The following CSMD3 variants were observed in gnomAD, a reference collection of about 807,000 sequenced individuals.
CSMD3 encodes the protein CUB and sushi domain-containing protein 3.
In CSMD3, 177 loss-of-function variants were observed where a neutral mutation model predicts 435.2. That is an observed-to-expected ratio of 0.41 (90% CI 0.36 to 0.46). The LOEUF is 0.46. Ranked by LOEUF, CSMD3 falls within the 20% of genes least tolerant of loss-of-function variation. The pLI is 0.34. For synonymous variants in CSMD3, 1,656 were observed against 1,520.5 expected (o/e 1.09, Z -2.07); for missense variants, 4,265 against 4,504.6 (o/e 0.95, Z 1.52).
intron 13 of CSMD3, among the ~76,000 whole-genome samples, chr8:112,699,016 A>C (rs184856252): frequency 1.2e-3 from 188 of 152,218 alleles, no homozygotes; most frequent in Middle Eastern, 3.4e-3. Context: ...ACTCTATAAA[A>C]TGGACCCATC....
At chr8:113,257,817 C>G (rs1421922751) in intron 3 of CSMD3, among the ~76,000 whole-genome samples, 1 of 152,154 alleles carries the variant, frequency 6.6e-6, no homozygotes, top group Non-Finnish European at 1.5e-5. Flanking sequence ...ACATCAACTT[C>G]AACAAATACA....
At chr8:112,244,901 A>G (rs1202594305) in intron 64 of CSMD3, among the ~76,000 whole-genome samples, 1 of 152,058 alleles carries the variant, frequency 6.6e-6, no homozygotes, top group Non-Finnish European at 1.5e-5. Context: ...GAGAGTCACA[A>G]AAACCAGCAT....
intron 3 of CSMD3, among the ~76,000 whole-genome samples, chr8:113,245,982 T>C (rs939544632): frequency 2.6e-5 from 4 of 152,152 alleles, no homozygotes; most frequent in East Asian, 1.9e-4. Flanking sequence ...CTTTATCTTA[T>C]TGAAGATCCC....
intron 20 of CSMD3, among the ~76,000 whole-genome samples, chr8:112,641,850 A>C (rs12056893): frequency 0.033 from 5,041 of 152,118 alleles, 247 homozygotes; most frequent in African/African-American, 0.1. Context: ...ACAAACAAAC[A>C]AACAAAAAAC....
intron 5 of CSMD3, among the ~76,000 whole-genome samples, chr8:113,059,152 G>A (rs926658017): frequency 3.3e-5 from 5 of 152,048 alleles, no homozygotes; most frequent in South Asian, 2.1e-4. Context: ...CAGTAAAAAC[G>A]CATACAAATG....
At chr8:113,386,225 C>A (rs767025721) in intron 1 of CSMD3, among the ~76,000 whole-genome samples, 44 of 151,836 alleles carry the variant, frequency 2.9e-4, no homozygotes, top group Non-Finnish European at 4.9e-4. Flanking sequence ...TAGGCAGAAT[C>A]CAAATATAGT....
intron 32 of CSMD3, among the ~76,000 whole-genome samples, chr8:112,423,480 A>C (rs1812731740): frequency 1.3e-5 from 2 of 152,132 alleles, no homozygotes; most frequent in Admixed American, 6.6e-5. Flanking sequence ...TATCATAAAC[A>C]TTGATATATT....
At chr8:113,201,493 T>G (rs2092715470) in intron 3 of CSMD3, among the ~76,000 whole-genome samples, 1 of 152,026 alleles carries the variant, frequency 6.6e-6, no homozygotes, top group Non-Finnish European at 1.5e-5. Context: ...GACAGCTGTT[T>G]ATTAGATTTT....
chr8:112,657,097 C>T (rs1370469588), intron 17 of CSMD3, among the ~76,000 whole-genome samples: 2 of 134,292 alleles, frequency 1.5e-5, no homozygotes, highest in Non-Finnish European at 3.1e-5. Flanking sequence ...AAATCTAATT[C>T]CATCAACCAG....
rs200900102 is a variant in CSMD3 at position 113,039,681 on chromosome 8, TAAAG to T, written c.918-20506_918-20503del. 3.4e-4 allele frequency among the ~76,000 whole-genome samples: 52 copies of T among 152,006 alleles called. No individual in the cohort carries two copies. In the East Asian group the frequency reaches 8.9e-3, roughly 26 times the overall value. ...GTGAGAGTAAGGAGTAGTAAAAACT[TAAAG>T]AAAGAAGGAAGAACAAAAATTGTAT... On this transcript the variant is annotated intron_variant, in intron 5 of 70. Transcript: ENST00000297405.
At chr8:112,436,270 T>C (rs1814336197) in intron 32 of CSMD3, among the ~76,000 whole-genome samples, 1 of 151,930 alleles carries the variant, frequency 6.6e-6, no homozygotes, top group African/African-American at 2.4e-5. Context: ...CATATAAATG[T>C]ATATTAAAGT....
At chr8:112,728,294 C>T (rs1175371606) in intron 13 of CSMD3, among the ~76,000 whole-genome samples, 1 of 151,274 alleles carries the variant, frequency 6.6e-6, no homozygotes, top group African/African-American at 2.4e-5. Context: ...TTCCAAAACA[C>T]TGAACAAAAA....
At chr8:112,642,527 TA>T (rs1249130456) in intron 20 of CSMD3, among the ~76,000 whole-genome samples, 5 of 152,174 alleles carry the variant, frequency 3.3e-5, no homozygotes, top group South Asian at 2.1e-4. Context: ...AATATTTAGA[TA>T]TTTAGATTTA....
In CSMD3 at chr8:113,436,797, C is replaced by G; in HGVS notation, c.58G>C (p.Gly20Arg). The change falls in exon 1 of 71, where the codon GGC becomes CGC. Residue 20 changes from glycine to arginine, a missense_variant. Gly to Arg is a moderately radical substitution (Grantham distance 125). Coordinates refer to ENST00000297405, the MANE Select transcript of CSMD3 (RefSeq NM_198123.2). ...RAKESKPWEP[G>R]KRRCAKCGRL... is the part of the protein sequence containing the mutation. ...CCACATTTAGCGCATCTTCGCTTGC[C>G]AGGCTCCCAGGGTTTGGATTCCTTT... 6.2e-7 allele frequency: 1 copy of G among 1,614,186 alleles called. No homozygotes were observed. The highest frequency in any genetic ancestry group is 1.3e-5 in the African/African-American group (1 of 75,044).
At chr8:113,224,545 A>G (rs2093005054) in intron 3 of CSMD3, among the ~76,000 whole-genome samples, 2 of 151,254 alleles carry the variant, frequency 1.3e-5, no homozygotes, top group Non-Finnish European at 1.5e-5. Context: ...TGTTTGTAGC[A>G]ATATATTTTT....
intron 1 of CSMD3, among the ~76,000 whole-genome samples, chr8:113,386,493 A>G (rs1396557158): frequency 6.6e-6 from 1 of 151,926 alleles, no homozygotes; most frequent in Non-Finnish European, 1.5e-5. Flanking sequence ...TTTTACATTT[A>G]GTCATCCCTG....
chr8:112,910,314 T>C (rs1270424769), intron 10 of CSMD3, among the ~76,000 whole-genome samples: 1 of 151,724 alleles, frequency 6.6e-6, no homozygotes, highest in Non-Finnish European at 1.5e-5. Flanking sequence ...CTGACCTCCC[T>C]ATTCATAAAA....
chr8:112,917,494 T>C (rs935492139), intron 10 of CSMD3, among the ~76,000 whole-genome samples: 6 of 151,838 alleles, frequency 4.0e-5, no homozygotes, highest in African/African-American at 1.4e-4. Flanking sequence ...GGATAAACTT[T>C]TGGTACAAGT....
chr8:112,938,619 G>C (rs971683455), intron 9 of CSMD3, among the ~76,000 whole-genome samples: 1 of 152,116 alleles, frequency 6.6e-6, no homozygotes, highest in African/African-American at 2.4e-5. Context: ...TAAGCAACTA[G>C]TAAGTTAGAG....
Sources: allele counts gnomAD v4.1 joint callset (sites outside exome capture counted in the v4.1 genomes callset), GRCh38; gene constraint gnomAD v4.1.1; transcripts MANE v1.5; gene names NCBI Gene and HGNC (gene_info 2026-07-23, HGNC 2026-07-21).